Variants in DCST1 observed in about 807,000 individuals in gnomAD.
The protein encoded by DCST1 is DC-STAMP domain containing 1.
Under a neutral mutation model 89.1 loss-of-function variants are expected in DCST1, and 78 were observed. The observed-to-expected ratio is 0.88, with a 90% CI of 0.73 to 1.06. The LOEUF (loss-of-function observed/expected upper bound fraction) is 1.06, where lower values mean the gene tolerates loss of function less well. DCST1 is among the 50% of genes least tolerant of loss of function. The pLI is 0.00. For missense variants in DCST1, 900 were observed against 928.6 expected (o/e 0.97, Z 0.40); for synonymous variants, 364 against 371.9 (o/e 0.98, Z 0.24).
chr1:155,041,358 C>T, intron 6 of DCST1, 39 bp from the exon 7 acceptor site: 4 of 1,608,358 alleles, frequency 2.5e-6, no homozygotes, highest in Non-Finnish European at 3.4e-6. Flanking sequence ...TTCTAAAGCC[C>T]CAGCCCTCAC....
At chr1:155,048,297 CT>C in intron 16 of DCST1, 127 bp downstream of exon 16, 1 of 748,638 alleles carries the variant, frequency 1.3e-6, no homozygotes, top group Non-Finnish European at 2.2e-6. Context: ...CTGGTAAGTT[CT>C]TTTTATTTTT....
intron 5 of DCST1, 48 bp downstream of exon 5, chr1:155,039,579 T>C: frequency 6.7e-7 from 1 of 1,486,274 alleles, no homozygotes; most frequent in Non-Finnish European, 9.0e-7. Context: ...TGACCCTGGG[T>C]GGGTCATCCA....
At chr1:155,050,324 C>T (rs1374974133) in intron 16 of DCST1, among the ~76,000 whole-genome samples, 1 of 152,250 alleles carries the variant, frequency 6.6e-6, no homozygotes, top group Non-Finnish European at 1.5e-5. Context: ...ATCTGGCCTG[C>T]TCACTTCTCA....
chr1:155,044,511 A>G (rs1660544894), intron 10 of DCST1, among the ~76,000 whole-genome samples: 1 of 147,150 alleles, frequency 6.8e-6, no homozygotes, highest in Non-Finnish European at 1.5e-5. Flanking sequence ...AAAGCTAATG[A>G]TCTAGTTGGG....
In DCST1 at chr1:155,034,670, GTGAACCCCA is replaced by G; in HGVS notation, c.211_219del (p.Pro71_Asn73del). On this transcript the variant is annotated inframe_deletion, in exon 4 of 17. Transcript: ENST00000295542. ...GCCCTTAGGTCTCTTTCAGCTCCTG[GTGAACCCCA>G]TGAACATCTACGAAGAACAGAAGAT... 1 of 1,614,202 alleles carries G rather than the reference GTGAACCCCA, an allele frequency of 6.2e-7. No individual in the cohort carries two copies. The highest frequency in any genetic ancestry group is 1.1e-5 in the South Asian group (1 of 91,088).
intron 16 of DCST1, 67 bp downstream of exon 16, chr1:155,048,237 C>T: frequency 7.6e-7 from 1 of 1,313,686 alleles, no homozygotes; most frequent in Non-Finnish European, 1.1e-6. Context: ...CAAGGGGCAG[C>T]TCCCTTCAGT....
chr1:155,041,733 A>G lies in DCST1; in HGVS notation c.768A>G (p.Ile256Met), dbSNP rs760881040. ...LRCSYVVNQA[I>M]LSCRRWFDRK... ...CTACAGATGTGGTGAACCAGGCCAT[A>G]CTCAGCTGCCGTCGTTGGTTTGACC... Residue 256 changes from isoleucine to methionine, a missense_variant, in exon 8 of 17, where the codon ATA (isoleucine) becomes ATG (methionine). Physicochemically the swap from Ile to Met is conservative, Grantham distance 10. Coordinates refer to ENST00000295542, the MANE Select transcript of DCST1 (RefSeq NM_152494.4). 1.9e-5 allele frequency: 30 copies of G among 1,614,064 alleles called. No individual in the cohort carries two copies. The East Asian group carries it at 6.5e-4, about 35-fold the overall frequency.
chr1:155,048,234 C>T, intron 16 of DCST1, 64 bp downstream of exon 16: 1 of 1,300,682 alleles, frequency 7.7e-7, no homozygotes, highest in Non-Finnish European at 1.1e-6. Context: ...AGGCAAGGGG[C>T]AGCTCCCTTC....
chr1:155,039,565 G>A, intron 5 of DCST1, 34 bp downstream of exon 5: 3 of 1,526,606 alleles, frequency 2.0e-6, no homozygotes, highest in Non-Finnish European at 2.7e-6. Flanking sequence ...TTACACTGAA[G>A]CAGTGACCCT....
chr1:155,033,991 T>C lies in DCST1; in HGVS notation c.-46T>C, dbSNP rs934644540. 2 of 1,611,136 alleles carry C rather than the reference T, an allele frequency of 1.2e-6. No individual in the cohort carries two copies. Among genetic ancestry groups the C allele is most frequent in the South Asian group, 2.2e-5 (2 of 90,974 alleles). Reference sequence around the variant, plus strand: ...CACCAGAACCTTGTGTCCAAGGAGGTCCTTCAGGAGACCTGGGATGAGTGG... The same window carrying C: ...CACCAGAACCTTGTGTCCAAGGAGGCCCTTCAGGAGACCTGGGATGAGTGG... On this transcript the variant is annotated 5_prime_UTR_variant, in exon 2 of 17. Transcript: ENST00000295542.
intron 10 of DCST1, among the ~76,000 whole-genome samples, chr1:155,044,619 G>A (rs1416047905): frequency 6.6e-6 from 1 of 152,238 alleles, no homozygotes. Context: ...CCTTGGAAGG[G>A]CAATAACTGG....
Position 155,041,785 on chromosome 1 carries a change from A to T in DCST1, c.820A>T (p.Ile274Phe). The T allele has an allele frequency of 6.2e-7, 1 of 1,614,262 alleles. No individual in the cohort carries two copies. Among genetic ancestry groups the T allele is most frequent in the Non-Finnish European group, 8.5e-7 (1 of 1,180,046 alleles). ...DRKHEQCMKH[I>F]WVPLLTHLLC... ...CAAGCATGAACAGTGCATGAAGCAC[A>T]TCTGGGTCCCACTCCTCACCCACCT... The change falls in exon 8 of 17, where the codon ATC becomes TTC. Residue 274 changes from isoleucine (I) to phenylalanine (F), a missense_variant. Physicochemically the swap from Ile to Phe is conservative, Grantham distance 21. Coordinates refer to ENST00000295542, the MANE Select transcript of DCST1 (RefSeq NM_152494.4).
intron 14 of DCST1, 29 bp downstream of exon 14, chr1:155,047,341 G>C: frequency 6.3e-7 from 1 of 1,591,266 alleles, no homozygotes; most frequent in South Asian, 1.1e-5. Flanking sequence ...TTGGATCAGA[G>C]GAATCGAGGG....
intron 4 of DCST1, among the ~76,000 whole-genome samples, chr1:155,038,236 A>G (rs933647570): frequency 1.3e-5 from 2 of 152,242 alleles, no homozygotes; most frequent in African/African-American, 2.4e-5. Flanking sequence ...GTGGGTAGAC[A>G]TGGTGGGTGA....
rs199996486 is a variant in DCST1 at position 155,046,308 on chromosome 1, G to A, written c.1369-52G>A. 3.0e-4 allele frequency: 477 copies of A among 1,613,902 alleles called. 1 individual carries two copies. Among genetic ancestry groups the A allele is most frequent in the Non-Finnish European group, 3.7e-4 (439 of 1,179,962 alleles). ...GGTAAAAGGCACCAGAGAGTGCTCCGTGCCCAGGCAGATGGCACTGCCCAG... is the reference window on the plus strand; with the variant it reads ...GGTAAAAGGCACCAGAGAGTGCTCCATGCCCAGGCAGATGGCACTGCCCAG... On this transcript the variant is annotated intron_variant, in intron 12 of 16. Coordinates refer to ENST00000295542, the MANE Select transcript of DCST1 (RefSeq NM_152494.4).
chr1:155,036,094 G>T (rs1298828273), intron 4 of DCST1, among the ~76,000 whole-genome samples: 4 of 145,380 alleles, frequency 2.8e-5, no homozygotes, highest in African/African-American at 1.0e-4. Context: ...CTTTCCTCAT[G>T]TCTCTTTTTA....
chr1:155,047,487 G>A (rs1294184481), intron 14 of DCST1, among the ~76,000 whole-genome samples, 175 bp downstream of exon 14: 1 of 152,258 alleles, frequency 6.6e-6, no homozygotes, highest in African/African-American at 2.4e-5. Context: ...TGAAAAAGGG[G>A]AGCATGACCA....
intron 10 of DCST1, among the ~76,000 whole-genome samples, chr1:155,044,585 G>A (rs756000956): frequency 2.6e-5 from 4 of 152,020 alleles, no homozygotes; most frequent in Non-Finnish European, 4.4e-5. Flanking sequence ...CTTTTGAGAC[G>A]TGTATGGGAG....
intron 4 of DCST1, 31 bp downstream of exon 4, chr1:155,034,758 AAGCG>A (rs1660220397): frequency 1.2e-6 from 2 of 1,612,748 alleles, no homozygotes; most frequent in African/African-American, 2.7e-5. Context: ...AGGAACACTC[AAGCG>A]GCCTGTGGAA....
Sources: allele counts gnomAD v4.1 joint callset (sites outside exome capture counted in the v4.1 genomes callset), GRCh38; gene constraint gnomAD v4.1.1; transcripts MANE v1.5; gene names NCBI Gene and HGNC (gene_info 2026-07-23, HGNC 2026-07-21).